TCF20: variants seen among roughly 807,000 people sequenced by gnomAD.
TCF20 encodes the protein SPRE-binding protein.
Under a neutral mutation model 148.6 loss-of-function variants are expected in TCF20, and 3 were observed. The ratio of observed to expected loss-of-function variants is 0.02; its 90% CI spans 0.01 to 0.05. The LOEUF is 0.05. Among genes scored for constraint, TCF20 ranks in the 10% least tolerant of loss-of-function variants. The pLI is 1.00. For missense variants in TCF20, 2,350 were observed against 2,429.3 expected, an observed-to-expected ratio of 0.97 and a Z score of 0.69; for synonymous variants, 1,049 against 909.5, an observed-to-expected ratio of 1.15 and a Z score of -2.76.
At chr22:42,278,163 C>A (rs904570618) in intron 1 of TCF20, 6 of 152,238 alleles carry the variant, frequency 3.9e-5, no homozygotes, top group Non-Finnish European at 5.9e-5. Flanking sequence ...TATGACCCTG[C>A]CCAGGCATCT....
intron 2 of TCF20, among the ~76,000 whole-genome samples, chr22:42,206,291 C>G (rs1364139766): frequency 6.6e-6 from 1 of 152,090 alleles, no homozygotes; most frequent in African/African-American, 2.4e-5. Context: ...CGCAGTGACC[C>G]ACACCTGTAA....
At chr22:42,306,115 G>A (rs1927427585) in intron 1 of TCF20, among the ~76,000 whole-genome samples, 2 of 152,258 alleles carry the variant, frequency 1.3e-5, no homozygotes, top group African/African-American at 2.4e-5. Flanking sequence ...CTGAGTGGCT[G>A]CTGCGGCCTC....
At chr22:42,314,358 AGAGCGCC>A (rs1403431344) in intron 1 of TCF20, among the ~76,000 whole-genome samples, 1 of 152,286 alleles carries the variant, frequency 6.6e-6, no homozygotes, top group Non-Finnish European at 1.5e-5. Context: ...ACAGGCTGCC[AGAGCGCC>A]GATGGGCTCT....
At position 42,317,242 on chromosome 22, in the gene TCF20, C is replaced by A. The variant is rs917315165; in HGVS notation, c.-37+26237G>T. Among the ~76,000 whole-genome samples the A allele has an allele frequency of 2.6e-5, 4 of 152,164 alleles. No homozygotes were observed. Among genetic ancestry groups the A allele is most frequent in the African/African-American group, 7.2e-5 (3 of 41,420 alleles). On this transcript the variant is annotated intron_variant, in intron 1 of 1. Coordinates refer to the TCF20 transcript ENST00000515426. This position sits in a 1 kb window ranked among gnomAD's most constrained non-coding sequence, Gnocchi z 4.2. ...AATTATCTCATTTAGCCACAGAGCA[C>A]TCCCAGCTTGAATGTCGGAGGTTCA...
intron 1 of TCF20, among the ~76,000 whole-genome samples, chr22:42,259,475 C>A (rs1213421055): frequency 6.6e-6 from 1 of 152,210 alleles, no homozygotes; most frequent in Non-Finnish European, 1.5e-5. Flanking sequence ...AAGTCTTAAT[C>A]TATAGCCCAG....
intron 5 of TCF20, among the ~76,000 whole-genome samples, chr22:42,166,891 A>G (rs1259575239): frequency 1.3e-5 from 2 of 152,218 alleles, no homozygotes; most frequent in African/African-American, 4.8e-5. Context: ...CACAGGGGTG[A>G]CAATGGGAAG....
chr22:42,311,472 G>T (rs1927535887), intron 1 of TCF20, among the ~76,000 whole-genome samples: 1 of 152,316 alleles, frequency 6.6e-6, no homozygotes, highest in South Asian at 2.1e-4. Context: ...TTTCCTAAAG[G>T]ACAAAAGGCT....
chr22:42,296,186 C>T (rs1301306739), intron 1 of TCF20, among the ~76,000 whole-genome samples: 1 of 152,188 alleles, frequency 6.6e-6, no homozygotes, highest in Non-Finnish European at 1.5e-5. Flanking sequence ...ATCATGACCA[C>T]CATCATCATC....
intron 1 of TCF20, among the ~76,000 whole-genome samples, chr22:42,324,417 C>T (rs1246733942): frequency 6.6e-6 from 1 of 151,920 alleles, no homozygotes; most frequent in Non-Finnish European, 1.5e-5. Flanking sequence ...AAATAACCTC[C>T]ACCATTCCAG....
upstream of TCF20, among the ~76,000 whole-genome samples, chr22:42,288,333 C>T (rs994676972): frequency 6.6e-6 from 1 of 152,080 alleles, no homozygotes; most frequent in Non-Finnish European, 1.5e-5. Flanking sequence ...GTCAGGAAAT[C>T]GAGACCATCC....
intron 5 of TCF20, among the ~76,000 whole-genome samples, chr22:42,167,524 G>A (rs1377958478): frequency 1.3e-5 from 2 of 152,140 alleles, no homozygotes; most frequent in Non-Finnish European, 2.9e-5. Context: ...GGTACATTTT[G>A]GTTTTTCTTT....
At chr22:42,293,041 G>C (rs758159944) in intron 1 of TCF20, among the ~76,000 whole-genome samples, 10 of 152,010 alleles carry the variant, frequency 6.6e-5, no homozygotes, top group Non-Finnish European at 1.5e-4. Flanking sequence ...AGGATACAAA[G>C]CCCCGGGGCC....
intron 1 of TCF20, among the ~76,000 whole-genome samples, chr22:42,283,243 C>G (rs1485507810): frequency 1.3e-5 from 2 of 152,240 alleles, no homozygotes; most frequent in Non-Finnish European, 2.9e-5. Context: ...TCCCGCATCA[C>G]CACTGACAAA....
chr22:42,232,251 G>A (rs1307280154), intron 1 of TCF20, among the ~76,000 whole-genome samples: 1 of 152,120 alleles, frequency 6.6e-6, no homozygotes, highest in Non-Finnish European at 1.5e-5. Flanking sequence ...GGAGCAATAG[G>A]CTATACCACA....
At chr22:42,277,955 A>C (rs1926816713) in intron 1 of TCF20, among the ~76,000 whole-genome samples, 1 of 152,226 alleles carries the variant, frequency 6.6e-6, no homozygotes, top group Admixed American at 6.5e-5. Flanking sequence ...CTGCTCCAAA[A>C]ACATACGTGG....
At chr22:42,272,664 C>T (rs1476152986), upstream of TCF20, among the ~76,000 whole-genome samples, 1 of 152,212 alleles carries the variant, frequency 6.6e-6, no homozygotes, top group Non-Finnish European at 1.5e-5. Context: ...ATGCCCTCCA[C>T]CTGGAAACTT....
chr22:42,272,695 C>T (rs1017963587), upstream of TCF20, among the ~76,000 whole-genome samples: 5 of 152,214 alleles, frequency 3.3e-5, no homozygotes, highest in South Asian at 8.3e-4. Context: ...TGGACCAGGC[C>T]AGCTGGGCCT....
At chr22:42,188,672 C>G (rs934450940) in intron 2 of TCF20, among the ~76,000 whole-genome samples, 4 of 152,146 alleles carry the variant, frequency 2.6e-5, no homozygotes, top group Non-Finnish European at 4.4e-5. Flanking sequence ...GATCAAGGTG[C>G]CTTTTATTCT....
chr22:42,256,510 T>C (rs563278868), intron 1 of TCF20, among the ~76,000 whole-genome samples: 3 of 151,992 alleles, frequency 2.0e-5, no homozygotes, highest in Non-Finnish European at 2.9e-5. Flanking sequence ...TAACAAATTA[T>C]GCAGGCTGTG....
Sources: gnomAD v4.1 joint callset for allele counts (sites outside exome capture counted in the v4.1 genomes callset) on GRCh38, gnomAD v4.1.1 for gene constraint, Gnocchi (gnomAD v3.1) non-coding constraint, MANE v1.5 for transcripts, NCBI Gene and HGNC (gene_info 2026-07-23, HGNC 2026-07-21) for gene names.